The following LAMA1 variants were observed in gnomAD, a reference collection of about 807,000 sequenced individuals.
The protein encoded by LAMA1 is laminin subunit alpha 1, also known as laminin subunit alpha-1.
Under a neutral mutation model 348.7 loss-of-function variants are expected in LAMA1, and 219 were observed. The observed-to-expected ratio is 0.63, with a 90% CI of 0.56 to 0.70. LAMA1 has a LOEUF of 0.70. LAMA1 is among the 30% of genes least tolerant of loss of function. The pLI, the probability that LAMA1 is intolerant of heterozygous loss-of-function variation, is 0.00. For missense variants in LAMA1, 3,744 were observed against 3,888.0 expected (o/e 0.96, Z 0.99); for synonymous variants, 1,487 against 1,491.0 (o/e 1.00, Z 0.06).
intron 3 of LAMA1, among the ~76,000 whole-genome samples, chr18:7,077,199 CTTT>C (rs71165719): frequency 6.5e-4 from 78 of 119,758 alleles, no homozygotes; most frequent in Admixed American, 2.2e-3. Flanking sequence ...CTGTTCTTTT[CTTT>C]TTTTTTTTTT....
At chr18:6,954,779 G>GTC in intron 57 of LAMA1, 5 of 190,922 alleles carry the variant, frequency 2.6e-5, no homozygotes, top group South Asian at 1.0e-4. Flanking sequence ...AGACGGGCAG[G>GTC]GCATGGCAGA....
In LAMA1 at chr18:6,983,423, G is replaced by A. The variant is rs187922578; in HGVS notation, c.5661-189C>T. Among the ~76,000 whole-genome samples the A allele has an allele frequency of 3.3e-5, 5 of 152,228 alleles. No homozygotes were observed. In the East Asian group the frequency reaches 5.8e-4, roughly 18 times the overall value. ...CTTCAAAAGTAATCTTTGAGAAGCC[G>A]TAGCCACTTTGTCATAACACTCAGA... On this transcript the variant is annotated intron_variant, in intron 39 of 62. Coordinates refer to ENST00000389658, the MANE Select transcript of LAMA1 (RefSeq NM_005559.4).
Position 6,981,374 on chromosome 18 carries a change from C to G in LAMA1, c.5891-737G>C, listed in dbSNP as rs997847607. Reference sequence around the variant, plus strand: ...GGGAGTCTTCCTCACAGTCTCCCACCTGCATCTCTGGCCAATCCTCCATCC... The same window carrying G: ...GGGAGTCTTCCTCACAGTCTCCCACGTGCATCTCTGGCCAATCCTCCATCC... On this transcript the variant is annotated intron_variant, in intron 41 of 62. Transcript: ENST00000389658. Among the ~76,000 whole-genome samples the G allele has an allele frequency of 3.3e-5, 5 of 152,182 alleles. No individual in the cohort carries two copies. In the South Asian group the frequency reaches 1.0e-3, roughly 31 times the overall value.
intron 28 of LAMA1, among the ~76,000 whole-genome samples, chr18:7,007,480 A>G (rs1395866806): frequency 6.6e-6 from 1 of 152,126 alleles, no homozygotes; most frequent in Non-Finnish European, 1.5e-5. Flanking sequence ...CAAAAAAAAA[A>G]AAAAAACTAA....
chr18:7,021,804 T>A (rs1034441169), intron 19 of LAMA1, among the ~76,000 whole-genome samples: 1 of 71,530 alleles, frequency 1.4e-5, no homozygotes, highest in Non-Finnish European at 3.0e-5. Flanking sequence ...AATAATATAT[T>A]ATATTATATA....
At chr18:6,959,720 T>G (rs557415798) in intron 53 of LAMA1, 1 of 525,714 alleles carries the variant, frequency 1.9e-6, no homozygotes, top group Non-Finnish European at 3.5e-6. Context: ...TTTCAAACAT[T>G]TCCATTCTGC....
At chr18:6,960,749 G>A (rs1340635949) in intron 53 of LAMA1, 1 of 151,448 alleles carries the variant, frequency 6.6e-6, no homozygotes, top group Non-Finnish European at 1.5e-5. Context: ...CAAGTATGTC[G>A]TGACATGTTT....
At chr18:7,004,073 T>C (rs954789705) in intron 29 of LAMA1, among the ~76,000 whole-genome samples, 2 of 152,156 alleles carry the variant, frequency 1.3e-5, no homozygotes, top group Non-Finnish European at 2.9e-5. Flanking sequence ...ACCAACTCCC[T>C]CTGACTTACG....
intron 1 of LAMA1, among the ~76,000 whole-genome samples, chr18:7,102,787 T>G (rs2058296663): frequency 6.6e-6 from 1 of 152,216 alleles, no homozygotes. Flanking sequence ...ACTTGTTGAC[T>G]ATGTGTGTTA....
At chr18:7,018,768 AAG>A (rs2057901846) in intron 19 of LAMA1, among the ~76,000 whole-genome samples, 1 of 152,152 alleles carries the variant, frequency 6.6e-6, no homozygotes, top group African/African-American at 2.4e-5. Flanking sequence ...TGTAAGAAAA[AAG>A]AGAGAAAAAC....
At chr18:6,965,207 G>T in intron 50 of LAMA1, 81 bp downstream of exon 50, 1 of 1,565,544 alleles carries the variant, frequency 6.4e-7, no homozygotes. Flanking sequence ...AACTACTGTG[G>T]AAAAAAAGAA....
At chr18:7,025,644 A>G (rs1226636363) in intron 17 of LAMA1, among the ~76,000 whole-genome samples, 1 of 152,166 alleles carries the variant, frequency 6.6e-6, no homozygotes, top group Non-Finnish European at 1.5e-5. Context: ...GTCGAGGGAC[A>G]ATGTTTTATT....
rs753722636 is a variant in LAMA1 at position 7,010,385 on chromosome 18, G to A, written c.3688C>T (p.Leu1230Phe). The change falls in exon 26 of 63, where the codon CTC (leucine) becomes TTC (phenylalanine). Residue 1230 changes from leucine to phenylalanine, a missense_variant and splice_region_variant. Around this residue, in one of 3 missense-constraint regions of LAMA1, gnomAD observed 1,529 missense variants for 1,689.4 expected, o/e 0.91. Transcript: ENST00000389658. ...RLPQQFQGDQ[L>F]MAYGGKLKYS... ...TTCAGTTTGCCACCATAGGCCATGA[G>A]CTATCAAATAATAAAGTGTTGTTTA... is the stretch of plus-strand genomic sequence containing the variant. 3 of 1,613,690 alleles carry A rather than the reference G, an allele frequency of 1.9e-6. No homozygotes were observed. Among genetic ancestry groups the A allele is most frequent in the South Asian group, 2.2e-5 (2 of 91,082 alleles).
Position 7,050,862 on chromosome 18 carries a change from A to C in LAMA1, c.420T>G (p.Ser140=), listed in dbSNP as rs756449523. The C allele has an allele frequency of 6.2e-7, 1 of 1,614,222 alleles. No individual in the cohort carries two copies. The highest frequency in any genetic ancestry group is 8.5e-7 in the Non-Finnish European group (1 of 1,180,048). Reference sequence around the variant, plus strand: ...AGGGGCTGAACGTGGTGCCATCCAGAGAACGCTCCAAAATCCAGTTTCCAG... The same window carrying C: ...AGGGGCTGAACGTGGTGCCATCCAGCGAACGCTCCAAAATCCAGTTTCCAG... ...PRPGNWILER[S]LDGTTFSPWQ... is the part of the protein sequence containing the mutation. The change falls in exon 4 of 63, where the codon TCT becomes TCG. Residue 140 remains serine, a synonymous_variant. Transcript: ENST00000389658.
chr18:7,098,407 C>T (rs1426033833), intron 1 of LAMA1, among the ~76,000 whole-genome samples: 2 of 150,450 alleles, frequency 1.3e-5, no homozygotes, highest in African/African-American at 2.5e-5. Flanking sequence ...AAGTGAGGAG[C>T]ACCTCTTCCC....
At chr18:6,964,270 G>A in intron 51 of LAMA1, 1 of 302,356 alleles carries the variant, frequency 3.3e-6, no homozygotes, top group Non-Finnish European at 6.4e-6. Context: ...CCCAAAAGAT[G>A]TGGTAGTCTT....
chr18:6,981,791 C>T (rs1025611042), intron 41 of LAMA1, among the ~76,000 whole-genome samples: 1 of 152,124 alleles, frequency 6.6e-6, no homozygotes, highest in African/African-American at 2.4e-5. Context: ...GTGTGCCTGG[C>T]CCACTATTTA....
intron 19 of LAMA1, among the ~76,000 whole-genome samples, chr18:7,020,890 A>C (rs2057912256): frequency 1.3e-5 from 2 of 151,992 alleles, no homozygotes; most frequent in African/African-American, 4.8e-5. Context: ...AGCTCCAATC[A>C]CACCCTGGCC....
At chr18:7,075,311 A>G (rs528140434) in intron 3 of LAMA1, among the ~76,000 whole-genome samples, 22 of 151,926 alleles carry the variant, frequency 1.4e-4, no homozygotes, top group Middle Eastern at 3.4e-3. Context: ...GAGGGGGGGG[A>G]AGTTAAAAAA....
Sources: gnomAD v4.1 joint callset for allele counts (sites outside exome capture counted in the v4.1 genomes callset) on GRCh38, gnomAD v4.1.1 for gene constraint, gnomAD v4.1.1 regional missense constraint, MANE v1.5 for transcripts, NCBI Gene and HGNC (gene_info 2026-07-23, HGNC 2026-07-21) for gene names.